The following RPA1 variants were observed in gnomAD, a reference collection of about 807,000 sequenced individuals.
RPA1 encodes replication protein A 70 kDa DNA-binding subunit.
Under a neutral mutation model 83.0 loss-of-function variants are expected in RPA1, and 49 were observed. The observed-to-expected ratio is 0.59, with a 90% confidence interval of 0.47 to 0.75. The LOEUF is 0.75. Ranked by LOEUF, RPA1 falls within the 30% of genes least tolerant of loss-of-function variation. The pLI is 0.00. For synonymous variants in RPA1, 279 were observed against 281.8 expected (o/e 0.99, Z 0.10); for missense variants, 693 against 776.1 (o/e 0.89, Z 1.27).
rs776552291 is a variant in RPA1 at position 1,879,012 on chromosome 17, C to T, written c.710C>T (p.Ala237Val). ...VDESGEIRATAFNEQVDKFFP... is the reference protein window; with the variant it reads ...VDESGEIRATVFNEQVDKFFP... ...CTGCAGGGTGAAATCCGAGCTACAG[C>T]TTTCAATGAGCAAGTGGACAAGTTC... Residue 237 changes from alanine to valine, a missense_variant, in exon 9 of 17, where the codon GCT becomes GTT. Coordinates refer to ENST00000254719, the MANE Select transcript of RPA1 (RefSeq NM_002945.5). 2.5e-6 allele frequency: 4 copies of T among 1,614,182 alleles called. No individual in the cohort carries two copies. The highest frequency in any genetic ancestry group is 3.4e-6 in the Non-Finnish European group (4 of 1,180,036).
intron 14 of RPA1, 26 bp downstream of exon 14, chr17:1,888,877 C>T (rs1324189782): frequency 6.2e-7 from 1 of 1,602,662 alleles, no homozygotes; most frequent in Non-Finnish European, 8.5e-7. Flanking sequence ...AGATGAGAAC[C>T]ACGGTTGTGT....
intron 7 of RPA1, 109 bp downstream of exon 7, chr17:1,875,902 C>G: frequency 9.3e-7 from 1 of 1,077,550 alleles, no homozygotes; most frequent in Non-Finnish European, 1.3e-6. Flanking sequence ...CCAAATACCA[C>G]CAAATAGAAT....
At chr17:1,888,592 A>T in intron 13 of RPA1, 83 bp from the exon 14 acceptor site, 1 of 1,385,764 alleles carries the variant, frequency 7.2e-7, no homozygotes, top group Non-Finnish European at 9.9e-7. Context: ...ACCTAAACGT[A>T]AGGGCAGGCT....
At chr17:1,842,905 A>G (rs1424813242) in intron 2 of RPA1, 52 bp downstream of exon 2, 4 of 1,575,454 alleles carry the variant, frequency 2.5e-6, no homozygotes, top group Admixed American at 1.7e-5. Context: ...GAGTCATCGA[A>G]TTACAAGTTA....
At position 1,897,283 on chromosome 17, in the gene RPA1, T is replaced by C. The variant is rs755063385; in HGVS notation, c.*108T>C. 2.9e-5 allele frequency: 24 copies of C among 840,656 alleles called. No homozygotes were observed. The highest frequency in any genetic ancestry group is 1.8e-4 in the South Asian group (10 of 56,480). The allele number at this position is 840,656 out of a possible 1,614,324, so 52.1% of individuals were successfully genotyped here. ...GTTAGCTACACAGTGCAGAGGCTCT[T>C]GATGGTGGACTAAGCAATTTCCCCC... On this transcript the variant is annotated 3_prime_UTR_variant, in exon 17 of 17. Coordinates refer to ENST00000254719, the MANE Select transcript of RPA1 (RefSeq NM_002945.5).
intron 15 of RPA1, among the ~76,000 whole-genome samples, chr17:1,892,165 C>T (rs1914228029): frequency 6.6e-6 from 1 of 152,090 alleles, no homozygotes; most frequent in South Asian, 2.1e-4. Context: ...CGCCACGATG[C>T]CCGGCTAGTT....
intron 4 of RPA1, among the ~76,000 whole-genome samples, chr17:1,852,563 G>A (rs753558794): frequency 7.2e-5 from 11 of 152,196 alleles, no homozygotes; most frequent in African/African-American, 1.2e-4. Flanking sequence ...GGCAGGCAGC[G>A]GCACGGGAGG....
intron 1 of RPA1, among the ~76,000 whole-genome samples, chr17:1,830,997 C>T (rs1302118156): frequency 1.3e-5 from 2 of 152,060 alleles, no homozygotes; most frequent in Non-Finnish European, 2.9e-5. Context: ...AACACCAGAC[C>T]TCAAGTTATC....
chr17:1,896,142 G>T (rs1914411504), intron 16 of RPA1, among the ~76,000 whole-genome samples: 1 of 152,308 alleles, frequency 6.6e-6, no homozygotes, highest in East Asian at 1.9e-4. Flanking sequence ...AGAGACACGG[G>T]CATTCAGAGA....
intron 15 of RPA1, among the ~76,000 whole-genome samples, chr17:1,893,368 T>G (rs17292440): frequency 0.014 from 2,086 of 152,366 alleles, 54 homozygotes; most frequent in African/African-American, 0.048. Context: ...CCCCTCATCT[T>G]GGAAGCATAA....
At chr17:1,851,178 A>T (rs2151274412) in intron 4 of RPA1, among the ~76,000 whole-genome samples, 1 of 152,074 alleles carries the variant, frequency 6.6e-6, no homozygotes, top group South Asian at 2.1e-4. Context: ...AAAGATAAAA[A>T]CTCTTAAAAA....
intron 16 of RPA1, among the ~76,000 whole-genome samples, chr17:1,895,322 GATTTTTTTGTTTGTTT>G (rs886715939): frequency 4.0e-5 from 6 of 151,012 alleles, no homozygotes; most frequent in Non-Finnish European, 8.8e-5. Context: ...ATACAATATG[GATTTTTTTGTTTGTTT>G]ATTTTTTTTA....
intron 9 of RPA1, 50 bp downstream of exon 9, chr17:1,879,111 G>T: frequency 6.2e-7 from 1 of 1,612,740 alleles, no homozygotes; most frequent in Non-Finnish European, 8.5e-7. Flanking sequence ...GTGGAGTGCG[G>T]ATGAAAAGAC....
At chr17:1,896,080 A>G (rs972300583) in intron 16 of RPA1, among the ~76,000 whole-genome samples, 2 of 152,078 alleles carry the variant, frequency 1.3e-5, no homozygotes, top group Admixed American at 6.6e-5. Context: ...TAGTAACCCT[A>G]TATGTAGAAA....
At position 1,853,026 on chromosome 17, in the gene RPA1, G is replaced by A; in HGVS notation, c.273-75G>A. 6.3e-6 allele frequency: 7 copies of A among 1,106,472 alleles called. No homozygotes were observed. In the Admixed American group the frequency reaches 1.2e-4, roughly 19 times the overall value. The allele number at this position is 1,106,472 out of a possible 1,614,324, so 68.5% of individuals were successfully genotyped here. On this transcript the variant is annotated intron_variant, in intron 4 of 16. Transcript: ENST00000254719. ...ATAGTTCATCACAATGATCATCGGG[G>A]AAAGCATTTTGAGTAGCTTATCATT...
chr17:1,848,838 A>G (rs1472415492), intron 4 of RPA1, among the ~76,000 whole-genome samples: 1 of 152,090 alleles, frequency 6.6e-6, no homozygotes, highest in East Asian at 2.0e-4. Flanking sequence ...TCCTAGGATT[A>G]CAGGTGTGAG....
chr17:1,839,088 C>G (rs755159645), intron 1 of RPA1, among the ~76,000 whole-genome samples: 2 of 152,088 alleles, frequency 1.3e-5, no homozygotes, highest in Non-Finnish European at 2.9e-5. Flanking sequence ...CTCCTGACCT[C>G]GTCGTGATCC....
At chr17:1,880,485 A>T in intron 11 of RPA1, 58 bp from the exon 12 acceptor site, 2 of 1,576,176 alleles carry the variant, frequency 1.3e-6, no homozygotes, top group Non-Finnish European at 1.7e-6. Context: ...TTTCTATAAA[A>T]ATCTTCTGTG....
At chr17:1,841,070 AT>A (rs1434215397) in intron 1 of RPA1, among the ~76,000 whole-genome samples, 2 of 152,136 alleles carry the variant, frequency 1.3e-5, no homozygotes, top group Non-Finnish European at 2.9e-5. Flanking sequence ...CTCAAAAAAA[AT>A]AAAATAAAAT....
Sources: gnomAD v4.1 joint callset for allele counts (sites outside exome capture counted in the v4.1 genomes callset) on GRCh38, gnomAD v4.1.1 for gene constraint, MANE v1.5 for transcripts, NCBI Gene and HGNC (gene_info 2026-07-23, HGNC 2026-07-21) for gene names.